The following CMTM8 variants were observed in gnomAD, a reference collection of about 807,000 sequenced individuals.
The protein encoded by CMTM8 is CKLF like MARVEL transmembrane domain containing 8.
In CMTM8, 12 loss-of-function variants were observed where a neutral mutation model predicts 18.6. The observed-to-expected ratio is 0.65, with a 90% CI of 0.41 to 1.05. The LOEUF is 1.05. CMTM8 is among the 50% of genes least tolerant of loss of function. The pLI is 0.00. For synonymous variants in CMTM8, 87 were observed against 90.6 expected (o/e 0.96, Z 0.23); for missense variants, 217 against 227.2 (o/e 0.95, Z 0.29).
chr3:32,350,345 A>G (rs543075514), intron 1 of CMTM8, among the ~76,000 whole-genome samples: 1 of 148,516 alleles, frequency 6.7e-6, no homozygotes, highest in Non-Finnish European at 1.5e-5. Flanking sequence ...TCCATTGTTC[A>G]TATGTGTTCT....
intron 1 of CMTM8, among the ~76,000 whole-genome samples, chr3:32,352,281 CA>C (rs958249916): frequency 6.6e-6 from 1 of 150,692 alleles, no homozygotes; most frequent in African/African-American, 2.4e-5. Context: ...TATAAGCATT[CA>C]AAAAAATGCT....
chr3:32,319,076 T>TA lies in CMTM8; in HGVS notation c.148-38297_148-38296insA, dbSNP rs1275408606. On this transcript the variant is annotated intron_variant, in intron 1 of 3. Coordinates refer to ENST00000307526, the MANE Select transcript of CMTM8 (RefSeq NM_178868.5). ...TATATACATATATATATATATATAT[T>TA]TTTTTTTTTTTTTTTTTTTGAGACA... Among the ~76,000 whole-genome samples the TA allele has an allele frequency of 7.1e-4, 14 of 19,662 alleles. No individual in the cohort carries two copies. The East Asian group carries it at 9.8e-3, about 14-fold the overall frequency. The allele number at this position is 19,662 out of a possible 152,430, so 12.9% of individuals were successfully genotyped here.
chr3:32,247,050 G>A (rs896124943), intron 1 of CMTM8, among the ~76,000 whole-genome samples: 9 of 152,242 alleles, frequency 5.9e-5, no homozygotes, highest in East Asian at 1.9e-4. Flanking sequence ...GCAGTGAGCC[G>A]AGATTGCACC....
intron 1 of CMTM8, among the ~76,000 whole-genome samples, chr3:32,292,319 T>A (rs1229169318): frequency 6.6e-6 from 1 of 152,202 alleles, no homozygotes; most frequent in Non-Finnish European, 1.5e-5. Flanking sequence ...CTCGTATAGA[T>A]GCCTCACAGA....
intron 1 of CMTM8, among the ~76,000 whole-genome samples, chr3:32,301,186 T>A (rs919608300): frequency 5.9e-5 from 9 of 152,260 alleles, no homozygotes; most frequent in African/African-American, 2.2e-4. Flanking sequence ...TCCAGCCTTA[T>A]CCCGGCATTC....
At chr3:32,261,263 A>C (rs901793502) in intron 1 of CMTM8, among the ~76,000 whole-genome samples, 5 of 152,190 alleles carry the variant, frequency 3.3e-5, no homozygotes, top group Non-Finnish European at 5.9e-5. Context: ...TGTCATAAAA[A>C]TGTGTTAAAT....
chr3:32,342,464 G>A (rs1455958514), intron 1 of CMTM8, among the ~76,000 whole-genome samples: 1 of 152,210 alleles, frequency 6.6e-6, no homozygotes, highest in Admixed American at 6.5e-5. Flanking sequence ...TTCCTACCAG[G>A]CCAGATGGCC....
chr3:32,361,286 G>GTTTTTTTTTTGTTTTTTGTTT lies in CMTM8; in HGVS notation c.321+3749_321+3750insTGTTTTTTGTTTTTTTTTTTT, dbSNP rs58364646. Among the ~76,000 whole-genome samples the GTTTTTTTTTTGTTTTTTGTTT allele has an allele frequency of 1.2e-3, 109 of 87,242 alleles. 1 individual carries two copies. The highest frequency in any genetic ancestry group is 7.3e-3 in the South Asian group (16 of 2,196). 57.2% of individuals were successfully genotyped at this position (87,242 alleles called of 152,430 possible). On this transcript the variant is annotated intron_variant, in intron 2 of 3. Transcript: ENST00000307526. ...GTGAGCCACGGCGCCCAGCCTAAGA[G>GTTTTTTTTTTGTTTTTTGTTT]TTTTTTTTTCTTTCAAATTTTGGAA...
chr3:32,270,225 A>G (rs992562681), intron 1 of CMTM8, among the ~76,000 whole-genome samples: 5 of 152,188 alleles, frequency 3.3e-5, no homozygotes, highest in African/African-American at 1.2e-4. Flanking sequence ...CCTGGCCTAG[A>G]ATTTAAATCA....
At chr3:32,320,533 A>G (rs918965839) in intron 1 of CMTM8, among the ~76,000 whole-genome samples, 3 of 152,210 alleles carry the variant, frequency 2.0e-5, no homozygotes, top group Admixed American at 1.3e-4. Context: ...TTAGGGTGAT[A>G]AAAATGCTCT....
intron 1 of CMTM8, among the ~76,000 whole-genome samples, chr3:32,319,097 AG>A (rs1354973022): frequency 2.9e-3 from 43 of 14,962 alleles, no homozygotes; most frequent in Non-Finnish European, 4.2e-3. Flanking sequence ...TTTTTTTTTG[AG>A]ACAGAGTCCC....
rs772912820 is a variant in CMTM8 at position 32,258,073 on chromosome 3, T to G, written c.147+18954T>G. Among the ~76,000 whole-genome samples the G allele has an allele frequency of 4.9e-4, 74 of 152,314 alleles. 1 individual carries two copies. Among genetic ancestry groups the G allele is most frequent in the Admixed American group, 3.0e-3 (46 of 15,300 alleles). On this transcript the variant is annotated intron_variant, in intron 1 of 3. Coordinates refer to ENST00000307526, the MANE Select transcript of CMTM8 (RefSeq NM_178868.5). Reference sequence around the variant, plus strand: ...GGGAGGGGGGCTTTAAATGTACTCTTTAGCAGATTACCCTTAACTCATTCC... The same window carrying G: ...GGGAGGGGGGCTTTAAATGTACTCTGTAGCAGATTACCCTTAACTCATTCC...
intron 1 of CMTM8, among the ~76,000 whole-genome samples, chr3:32,303,929 T>G (rs1313660378): frequency 2.0e-5 from 3 of 152,232 alleles, no homozygotes; most frequent in African/African-American, 4.8e-5. Flanking sequence ...CTCAAGGAAT[T>G]TAGCATCAAT....
chr3:32,349,801 A>G lies in CMTM8; in HGVS notation c.148-7572A>G, dbSNP rs1410241565. Among the ~76,000 whole-genome samples, 5 of 152,268 alleles carry G rather than the reference A, an allele frequency of 3.3e-5. No individual in the cohort carries two copies. The East Asian group carries it at 7.7e-4, about 24-fold the overall frequency. On this transcript the variant is annotated intron_variant, in intron 1 of 3. Coordinates refer to ENST00000307526, the MANE Select transcript of CMTM8 (RefSeq NM_178868.5). ...GGCAGGCAGATCACTGGAGGTCAGGAGTTCGAGACCAGCCTGGCCAACATG... is the reference window on the plus strand; with the variant it reads ...GGCAGGCAGATCACTGGAGGTCAGGGGTTCGAGACCAGCCTGGCCAACATG...
chr3:32,325,625 T>G (rs1238623425), intron 1 of CMTM8, among the ~76,000 whole-genome samples: 1 of 152,230 alleles, frequency 6.6e-6, no homozygotes, highest in Non-Finnish European at 1.5e-5. Flanking sequence ...TAAATTTTAG[T>G]TTGAAGTTTT....
intron 1 of CMTM8, among the ~76,000 whole-genome samples, chr3:32,249,644 A>G (rs1164062379): frequency 6.6e-6 from 1 of 152,168 alleles, no homozygotes; most frequent in Non-Finnish European, 1.5e-5. Context: ...GATATTGAGC[A>G]ATCTTCATGT....
At chr3:32,329,597 C>T (rs1472772371) in intron 1 of CMTM8, among the ~76,000 whole-genome samples, 2 of 152,076 alleles carry the variant, frequency 1.3e-5, no homozygotes, top group Non-Finnish European at 2.9e-5. Context: ...ACTAAACACA[C>T]TTGGAATAGA....
chr3:32,277,228 G>C lies in CMTM8; in HGVS notation c.147+38109G>C, dbSNP rs1031797793. Among the ~76,000 whole-genome samples the C allele has an allele frequency of 2.6e-5, 4 of 152,070 alleles. No homozygotes were observed. In the East Asian group the frequency reaches 7.7e-4, roughly 29 times the overall value. Reference sequence around the variant, plus strand: ...TCTTGAAAAGGAGAGAAAGGGAGAAGAGAAAGGAACAGAGTTTAATCCTGA... The same window carrying C: ...TCTTGAAAAGGAGAGAAAGGGAGAACAGAAAGGAACAGAGTTTAATCCTGA... On this transcript the variant is annotated intron_variant, in intron 1 of 3. Transcript: ENST00000307526.
At chr3:32,319,074 A>ATATATATTTTTTTTTTTTTTT in intron 1 of CMTM8, among the ~76,000 whole-genome samples, 9 of 31,528 alleles carry the variant, frequency 2.9e-4, no homozygotes, top group Admixed American at 1.1e-3. Flanking sequence ...ATATATATAT[A>ATATATATTTTTTTTTTTTTTT]TTTTTTTTTT....
Sources: gnomAD v4.1 joint callset for allele counts (sites outside exome capture counted in the v4.1 genomes callset) on GRCh38, gnomAD v4.1.1 for gene constraint, MANE v1.5 for transcripts, NCBI Gene and HGNC (gene_info 2026-07-23, HGNC 2026-07-21) for gene names.